PAQR3: variants seen among roughly 807,000 people sequenced by gnomAD.
PAQR3 encodes the protein progestin and adipoQ receptor family member 3.
Under a neutral mutation model 41.7 loss-of-function variants are expected in PAQR3, and 39 were observed. The observed-to-expected ratio is 0.93, with a 90% CI of 0.72 to 1.22. The LOEUF (loss-of-function observed/expected upper bound fraction) is 1.22, where lower values mean the gene tolerates loss of function less well. Among genes scored for constraint, PAQR3 ranks in the 50% most tolerant of loss-of-function variants. PAQR3 has a pLI of 0.00. For missense variants in PAQR3, 366 were observed against 385.6 expected (o/e 0.95, Z 0.42); for synonymous variants, 140 against 140.6 (o/e 1.00, Z 0.03).
At chr4:78,898,416 A>T (rs893921202) in intron 11 of PAQR3, among the ~76,000 whole-genome samples, 1 of 151,850 alleles carries the variant, frequency 6.6e-6, no homozygotes, top group Non-Finnish European at 1.5e-5. Flanking sequence ...GAACTTCAGG[A>T]TGTTAGCAAT....
At chr4:78,922,278 CAGTGGTGAAAAACCA>C in intron 5 of PAQR3, 5 of 1,262,280 alleles carry the variant, frequency 4.0e-6, no homozygotes, top group Non-Finnish European at 5.1e-6. Flanking sequence ...ATTTAAAGCT[CAGTGGTGAAAAACCA>C]AGTACACAAA....
intron 1 of PAQR3, among the ~76,000 whole-genome samples, chr4:78,936,771 A>G (rs1560586787): frequency 6.6e-6 from 1 of 152,164 alleles, no homozygotes; most frequent in African/African-American, 2.4e-5. Flanking sequence ...TTTTTGTGAA[A>G]TCCAGTATAA....
chr4:78,903,931 TC>T (rs1724775226), intron 11 of PAQR3, among the ~76,000 whole-genome samples: 1 of 151,966 alleles, frequency 6.6e-6, no homozygotes, highest in South Asian at 2.1e-4. Context: ...TAAGCCAGTG[TC>T]AGCAGAGAAG....
chr4:78,891,716 TTC>T (rs1733450191), intron 11 of PAQR3, among the ~76,000 whole-genome samples: 1 of 152,224 alleles, frequency 6.6e-6, no homozygotes, highest in Non-Finnish European at 1.5e-5. Flanking sequence ...ACACCTTTTC[TTC>T]TCTTTTCTTT....
rs1218181068 is a variant in PAQR3, at chr4:78,935,045, G to C, written c.348+76C>G. ...GCTCTTTAAAGCAAGTGGTAGGTCTGAGGTAAGGTCACCTGACCAAGACTG... is the reference window on the plus strand; with the variant it reads ...GCTCTTTAAAGCAAGTGGTAGGTCTCAGGTAAGGTCACCTGACCAAGACTG... On this transcript the variant is annotated intron_variant, in intron 2 of 5. Coordinates refer to ENST00000512733, the MANE Select transcript of PAQR3 (RefSeq NM_001040202.2). 2.1e-6 allele frequency: 3 copies of C among 1,425,498 alleles called. No homozygotes were observed. The East Asian group carries it at 6.8e-5, about 33-fold the overall frequency. The allele number at this position is 1,425,498 out of a possible 1,614,324, so 88.3% of individuals were successfully genotyped here.
Position 78,930,160 on chromosome 4 carries a change from A to C in PAQR3, c.504+10T>G. On this transcript the variant is annotated intron_variant, in intron 3 of 5. Transcript: ENST00000512733. ...GAAAGGTCGAATGTAAAATGTTTTC[A>C]TCTACTTACGTTATTACAATAAAAT... 2 of 1,592,110 alleles carry C rather than the reference A, an allele frequency of 1.3e-6. No homozygotes were observed. Among genetic ancestry groups the C allele is most frequent in the African/African-American group, 2.7e-5 (2 of 73,646 alleles).
At chr4:78,924,561 T>G (rs1394423671) in intron 4 of PAQR3, among the ~76,000 whole-genome samples, 2 of 152,096 alleles carry the variant, frequency 1.3e-5, no homozygotes, top group African/African-American at 4.8e-5. Flanking sequence ...TGGGAGGCTT[T>G]GGCAGAAGGA....
Position 78,919,451 on chromosome 4 carries a change from A to G in PAQR3, c.*1088T>C. Reference sequence around the variant, plus strand: ...CAATAAAAAGAAAGTTTAATGCTTCAGGCCCAAATATTAAGTGTTTATCAA... The same window carrying G: ...CAATAAAAAGAAAGTTTAATGCTTCGGGCCCAAATATTAAGTGTTTATCAA... On this transcript the variant is annotated 3_prime_UTR_variant, in exon 6 of 6. Transcript: ENST00000512733. The G allele has an allele frequency of 1.0e-6, 1 of 984,660 alleles. No individual in the cohort carries two copies. The allele number at this position is 984,660 out of a possible 1,614,324, so 61.0% of individuals were successfully genotyped here. A position where few individuals can be genotyped will look rare whatever the true frequency, so the allele number is the denominator to read the frequency against.
chr4:78,928,831 A>T (rs1329537537), intron 3 of PAQR3, among the ~76,000 whole-genome samples: 2 of 152,244 alleles, frequency 1.3e-5, no homozygotes, highest in Non-Finnish European at 2.9e-5. Flanking sequence ...ACTCACCATA[A>T]TGTAGAATCA....
At chr4:78,928,179 A>G (rs1055949361) in intron 3 of PAQR3, among the ~76,000 whole-genome samples, 11 of 152,246 alleles carry the variant, frequency 7.2e-5, no homozygotes, top group Non-Finnish European at 1.6e-4. Context: ...GTTTCAGAGA[A>G]ATACAGAATA....
At position 78,931,932 on chromosome 4, in the gene PAQR3, C is replaced by G. The variant is rs899942385; in HGVS notation, c.349-1607G>C. The stretch of plus-strand genomic sequence containing the variant: ...CCTGAAGATTTTAAGTGCCCCCCAA[C>G]AGAGGTGTGGACTAGAAGGGCTGAA... On this transcript the variant is annotated intron_variant, in intron 2 of 5. Coordinates refer to ENST00000512733, the MANE Select transcript of PAQR3 (RefSeq NM_001040202.2). Among the ~76,000 whole-genome samples the G allele has an allele frequency of 2.0e-5, 3 of 152,170 alleles. 1 individual carries two copies. The highest frequency in any genetic ancestry group is 1.3e-4 in the Admixed American group (2 of 15,272).
Position 78,917,160 on chromosome 4 carries a change from C to T in PAQR3, c.*3379G>A, listed in dbSNP as rs1465619255. ...AATTTGAGCTATTTATTTTGGATAA[C>T]GAATACCTTTTTAAGGAAGCCCAGG... On this transcript the variant is annotated 3_prime_UTR_variant, in exon 6 of 6. Transcript: ENST00000512733. 2 of 151,856 alleles carry T rather than the reference C, an allele frequency of 1.3e-5. No individual in the cohort carries two copies. The highest frequency in any genetic ancestry group is 2.9e-5 in the Non-Finnish European group (2 of 67,860). 9.4% of individuals were successfully genotyped at this position (151,856 alleles called of 1,614,324 possible).
chr4:78,888,552 T>C (rs1180265949), intron 11 of PAQR3, among the ~76,000 whole-genome samples: 1 of 152,200 alleles, frequency 6.6e-6, no homozygotes, highest in Non-Finnish European at 1.5e-5. Context: ...ATACAACTAC[T>C]TCTCTGATGT....
Position 78,918,335 on chromosome 4 carries a change from A to T in PAQR3, c.*2204T>A. 2 of 974,832 alleles carry T rather than the reference A, an allele frequency of 2.1e-6. No individual in the cohort carries two copies. Among genetic ancestry groups the T allele is most frequent in the Non-Finnish European group, 2.4e-6 (2 of 819,936 alleles). The allele number at this position is 974,832 out of a possible 1,614,324, so 60.4% of individuals were successfully genotyped here. A position where few individuals can be genotyped will look rare whatever the true frequency, so the allele number is the denominator to read the frequency against. ...TTTAAAATATTTTTTAATGTTAACAATGTCTTCAAAATTTTACCAGTAGTG... is the reference window on the plus strand; with the variant it reads ...TTTAAAATATTTTTTAATGTTAACATTGTCTTCAAAATTTTACCAGTAGTG... On this transcript the variant is annotated 3_prime_UTR_variant, in exon 6 of 6. Transcript: ENST00000512733.
Position 78,926,716 on chromosome 4 carries a change from G to C in PAQR3, c.507C>G (p.Tyr169Ter), listed in dbSNP as rs765410119. 1 of 1,612,122 alleles carries C rather than the reference G, an allele frequency of 6.2e-7. No homozygotes were observed. Among genetic ancestry groups the C allele is most frequent in the South Asian group, 1.1e-5 (1 of 90,970 alleles). ...GVFYAFYCNN[Y>*]WRQVYLITVL... is the part of the protein sequence containing the mutation. Reference sequence around the variant, plus strand: ...CTGTGATCAAGTACACCTGACGCCAGTACTAGAATGAAAGGAAATCACATT... The same window carrying C: ...CTGTGATCAAGTACACCTGACGCCACTACTAGAATGAAAGGAAATCACATT... The change falls in exon 4 of 6, where the codon TAC becomes TAG. Residue 169 changes from tyrosine to a stop codon, truncating the protein, a stop_gained and splice_region_variant. Transcript: ENST00000512733. LOFTEE classifies it high-confidence loss of function.
At chr4:78,937,848 AG>A (rs1484427597) in intron 1 of PAQR3, among the ~76,000 whole-genome samples, 4 of 152,260 alleles carry the variant, frequency 2.6e-5, no homozygotes, top group Non-Finnish European at 5.9e-5. Context: ...CTAGTTGAGT[AG>A]AAAATATTTA....
At chr4:78,898,593 T>C (rs1295276921) in intron 11 of PAQR3, among the ~76,000 whole-genome samples, 1 of 149,694 alleles carries the variant, frequency 6.7e-6, no homozygotes, top group Non-Finnish European at 1.5e-5. Flanking sequence ...CTAGACTGTA[T>C]ATCTAATCAT....
At chr4:78,906,392 A>C (rs1734286251) in intron 10 of PAQR3, among the ~76,000 whole-genome samples, 1 of 152,172 alleles carries the variant, frequency 6.6e-6, no homozygotes, top group African/African-American at 2.4e-5. Flanking sequence ...CAGTCTATCT[A>C]CACCAACAGA....
rs973579825 is a variant in PAQR3 at position 78,912,099 on chromosome 4, G to A, written c.*8440C>T. On this transcript the variant is annotated 3_prime_UTR_variant, in exon 6 of 6. Transcript: ENST00000512733. ...AAAGTGTGAACAGTTTTATGAATTT[G>A]AAAGAAAATTTGGTAGCTCTTTATA... 6.9e-7 allele frequency: 1 copy of A among 1,444,382 alleles called. No individual in the cohort carries two copies. Among genetic ancestry groups the A allele is most frequent in the African/African-American group, 1.4e-5 (1 of 70,184 alleles). 89.5% of individuals were successfully genotyped at this position (1,444,382 alleles called of 1,614,324 possible). A position where few individuals can be genotyped will look rare whatever the true frequency, so the allele number is the denominator to read the frequency against.
Sources: allele counts gnomAD v4.1 joint callset (sites outside exome capture counted in the v4.1 genomes callset), GRCh38; gene constraint gnomAD v4.1.1; transcripts MANE v1.5; gene names NCBI Gene and HGNC (gene_info 2026-07-23, HGNC 2026-07-21).